The following CSMD3 variants were observed in gnomAD, a reference collection of about 807,000 sequenced individuals.
CSMD3 encodes the protein CUB and Sushi multiple domains 3, also known as CUB and sushi domain-containing protein 3.
In CSMD3, 177 loss-of-function variants were observed where a neutral mutation model predicts 435.2. That is an observed-to-expected ratio of 0.41 (90% CI 0.36 to 0.46). CSMD3 has a LOEUF of 0.46. Ranked by LOEUF, CSMD3 falls within the 20% of genes least tolerant of loss-of-function variation. The probability of loss-of-function intolerance (pLI) is 0.34; values close to 1 mark genes in which losing one functional copy is unlikely to be tolerated. For synonymous variants in CSMD3, 1,656 were observed against 1,520.5 expected, an observed-to-expected ratio of 1.09 and a Z score of -2.07; for missense variants, 4,265 against 4,504.6, an observed-to-expected ratio of 0.95 and a Z score of 1.52.
chr8:112,529,492 C>G lies in CSMD3; in HGVS notation c.4565-12267G>C, dbSNP rs187383879. Among the ~76,000 whole-genome samples, 162 of 152,154 alleles carry G rather than the reference C, an allele frequency of 1.1e-3. 1 individual carries two copies. The highest frequency in any genetic ancestry group is 1.7e-3 in the Non-Finnish European group (114 of 68,002). ...GTCTCAGCTACTCAGAAGGCTGAGGCAGAAGGATCAGTTTGAGCCTGGGAG... is the reference window on the plus strand; with the variant it reads ...GTCTCAGCTACTCAGAAGGCTGAGGGAGAAGGATCAGTTTGAGCCTGGGAG... On this transcript the variant is annotated intron_variant, in intron 27 of 70. Transcript: ENST00000297405.
chr8:112,265,568 A>G lies in CSMD3; in HGVS notation c.9531T>C (p.Gly3177=), dbSNP rs2130415796. Residue 3177 remains glycine (G), a synonymous_variant, in exon 60 of 71, where the codon GGT becomes GGC. Coordinates refer to ENST00000297405, the MANE Select transcript of CSMD3 (RefSeq NM_198123.2). Reference sequence around the variant, plus strand: ...CATATCTCAGTCCATTGGCTGGTATACCTGGGTCTCCACAACTGATTACTG... The same window carrying G: ...CATATCTCAGTCCATTGGCTGGTATGCCTGGGTCTCCACAACTGATTACTG... ...NCTIISCGDP[G]IPANGLRYGD... The G allele has an allele frequency of 6.2e-7, 1 of 1,613,434 alleles. No homozygotes were observed. Among genetic ancestry groups the G allele is most frequent in the Non-Finnish European group, 8.5e-7 (1 of 1,179,442 alleles).
intron 12 of CSMD3, among the ~76,000 whole-genome samples, chr8:112,816,242 G>A (rs1249944288): frequency 6.6e-6 from 1 of 152,098 alleles, no homozygotes; most frequent in Non-Finnish European, 1.5e-5. Flanking sequence ...AGGAATTCAG[G>A]AAAATCTGAG....
At chr8:112,292,415 GC>G in intron 55 of CSMD3, 121 bp downstream of exon 55, 1 of 886,506 alleles carries the variant, frequency 1.1e-6, no homozygotes, top group Non-Finnish European at 1.8e-6. Flanking sequence ...CAGTATTAAA[GC>G]TTTTTGTTTT....
At chr8:113,241,789 G>A (rs889445735) in intron 3 of CSMD3, among the ~76,000 whole-genome samples, 3 of 151,912 alleles carry the variant, frequency 2.0e-5, no homozygotes, top group Non-Finnish European at 4.4e-5. Context: ...AATTTGAGTG[G>A]GAAGATTCTA....
chr8:113,188,960 T>C (rs1279608923), intron 3 of CSMD3, among the ~76,000 whole-genome samples: 3 of 151,890 alleles, frequency 2.0e-5, no homozygotes, highest in Non-Finnish European at 4.4e-5. Flanking sequence ...TGGTTCATAC[T>C]GAAAAGGTGA....
intron 1 of CSMD3, among the ~76,000 whole-genome samples, chr8:113,426,865 C>T (rs1159261597): frequency 6.6e-6 from 1 of 151,374 alleles, no homozygotes; most frequent in Non-Finnish European, 1.5e-5. Flanking sequence ...GGAGACAAAT[C>T]GTAAATGTAC....
Position 113,282,219 on chromosome 8 carries a change from T to C in CSMD3, c.402-3515A>G, listed in dbSNP as rs541996791. On this transcript the variant is annotated intron_variant, in intron 2 of 70. Transcript: ENST00000297405. ...CTCTTCAACATAGTACTGGAAGTCC[T>C]AGCCAAAGCAATCAGACAAGAGAAA... is the stretch of plus-strand genomic sequence containing the variant. 1.3e-3 allele frequency among the ~76,000 whole-genome samples: 204 copies of C among 152,108 alleles called. 1 individual carries two copies. Among genetic ancestry groups the C allele is most frequent in the African/African-American group, 4.7e-3 (195 of 41,554 alleles).
At chr8:112,511,384 CTTTT>C (rs34548150) in intron 28 of CSMD3, among the ~76,000 whole-genome samples, 5 of 72,400 alleles carry the variant, frequency 6.9e-5, no homozygotes, top group Admixed American at 1.6e-4. Flanking sequence ...ATTTTCTTTT[CTTTT>C]TTTTTTTTTT....
At chr8:112,454,903 G>A (rs575716397) in intron 32 of CSMD3, among the ~76,000 whole-genome samples, 136 of 152,032 alleles carry the variant, frequency 8.9e-4, no homozygotes, top group African/African-American at 3.2e-3. Context: ...AAATGACCAC[G>A]ACTGTGGTCT....
At chr8:112,988,742 A>C (rs1005933323) in intron 6 of CSMD3, among the ~76,000 whole-genome samples, 1 of 152,016 alleles carries the variant, frequency 6.6e-6, no homozygotes, top group African/African-American at 2.4e-5. Flanking sequence ...TGGAGAGTGG[A>C]TGTTTTATGA....
chr8:112,238,208 A>C (rs1386764583), intron 66 of CSMD3, among the ~76,000 whole-genome samples: 3 of 92,596 alleles, frequency 3.2e-5, no homozygotes, highest in Non-Finnish European at 6.2e-5. Flanking sequence ...GAAATCAGCT[A>C]TTCAAGGTAC....
At chr8:112,838,330 G>A (rs1190467691) in intron 11 of CSMD3, among the ~76,000 whole-genome samples, 1 of 151,802 alleles carries the variant, frequency 6.6e-6, no homozygotes, top group East Asian at 1.9e-4. Context: ...TAAGGACTGT[G>A]AACTTTATCT....
chr8:112,838,001 A>G (rs2080077268), intron 11 of CSMD3, among the ~76,000 whole-genome samples: 1 of 151,752 alleles, frequency 6.6e-6, no homozygotes, highest in African/African-American at 2.4e-5. Flanking sequence ...TCATAGTCCA[A>G]TGAGGGAAAC....
chr8:112,454,892 A>T (rs1271353822), intron 32 of CSMD3, among the ~76,000 whole-genome samples: 3 of 152,064 alleles, frequency 2.0e-5, no homozygotes, highest in Admixed American at 1.3e-4. Flanking sequence ...CAAAATATTT[A>T]AAATGACCAC....
At chr8:112,547,477 G>T (rs1051013319) in intron 27 of CSMD3, among the ~76,000 whole-genome samples, 1 of 152,108 alleles carries the variant, frequency 6.6e-6, no homozygotes, top group Non-Finnish European at 1.5e-5. Context: ...GAACTTAGGA[G>T]GTTGAGGTTG....
chr8:112,776,583 T>C (rs2078251529), intron 13 of CSMD3, among the ~76,000 whole-genome samples: 1 of 151,786 alleles, frequency 6.6e-6, no homozygotes, highest in Non-Finnish European at 1.5e-5. Context: ...TGAACATTAA[T>C]CTTCTATTTT....
intron 2 of CSMD3, among the ~76,000 whole-genome samples, chr8:113,285,235 G>A (rs1255412043): frequency 6.6e-6 from 1 of 150,782 alleles, no homozygotes. Context: ...GCAATGGGGA[G>A]CCATTGTCTG....
intron 13 of CSMD3, among the ~76,000 whole-genome samples, chr8:112,749,786 T>A (rs1208973949): frequency 6.6e-6 from 1 of 152,094 alleles, no homozygotes; most frequent in Non-Finnish European, 1.5e-5. Flanking sequence ...CGAACATGTC[T>A]ATTTGCAGTT....
chr8:113,226,874 A>C (rs1172592457), intron 3 of CSMD3, among the ~76,000 whole-genome samples: 1 of 151,592 alleles, frequency 6.6e-6, no homozygotes, highest in East Asian at 1.9e-4. Context: ...ATAAAGATAA[A>C]ATTTGATATG....
Sources: gnomAD v4.1 joint callset for allele counts (sites outside exome capture counted in the v4.1 genomes callset) on GRCh38, gnomAD v4.1.1 for gene constraint, MANE v1.5 for transcripts, NCBI Gene and HGNC (gene_info 2026-07-23, HGNC 2026-07-21) for gene names.